SORBS2: variants seen among roughly 807,000 people sequenced by gnomAD.
The protein encoded by SORBS2 is sorbin and SH3 domain containing 2, also known as sorbin and SH3 domain-containing protein 2.
Under a neutral mutation model 97.7 loss-of-function variants are expected in SORBS2, and 46 were observed. That is an observed-to-expected ratio of 0.47 (90% CI 0.37 to 0.60). SORBS2 has a LOEUF of 0.60. SORBS2 is among the 20% of genes least tolerant of loss of function. The pLI, the probability that SORBS2 is intolerant of heterozygous loss-of-function variation, is 0.00. For missense variants in SORBS2, 1,316 were observed against 1,282.3 expected, an observed-to-expected ratio of 1.03 and a Z score of -0.40; for synonymous variants, 476 against 473.4, an observed-to-expected ratio of 1.01 and a Z score of -0.07.
chr4:185,620,545 T>C lies in SORBS2; in HGVS notation c.2216-394A>G, dbSNP rs140475341. On this transcript the variant is annotated intron_variant, in intron 7 of 14. Coordinates refer to ENST00000418609, the Ensembl canonical transcript of SORBS2. ...TATAAGATTTACAGAGGATGGAGAA[T>C]TTGAAAATAGCAACAATTTGTAGAA... Among the ~76,000 whole-genome samples, 514 of 152,252 alleles carry C rather than the reference T, an allele frequency of 3.4e-3. 1 individual carries two copies. The highest frequency in any genetic ancestry group is 6.0e-3 in the Non-Finnish European group (406 of 68,014).
At chr4:185,859,274 AAAATAAACACTTTCAG>A (rs1419439738) in intron 1 of SORBS2, among the ~76,000 whole-genome samples, 1 of 152,194 alleles carries the variant, frequency 6.6e-6, no homozygotes, top group Non-Finnish European at 1.5e-5. Flanking sequence ...CTTAGGGTAG[AAAATAAACACTTTCAG>A]TGGTTATTTT....
chr4:185,880,418 A>C (rs760904074), intron 1 of SORBS2, among the ~76,000 whole-genome samples: 7 of 152,246 alleles, frequency 4.6e-5, no homozygotes, highest in African/African-American at 1.2e-4. Context: ...ATTAAAACAA[A>C]ACAAGGAATA....
chr4:185,772,319 A>G (rs1410081187), intron 2 of SORBS2: 1 of 152,168 alleles, frequency 6.6e-6, no homozygotes, highest in African/African-American at 2.4e-5. Flanking sequence ...TTACATTCCC[A>G]GCCACAGTAC....
At chr4:185,645,282 G>T (rs1239164556) in intron 4 of SORBS2, among the ~76,000 whole-genome samples, 1 of 152,174 alleles carries the variant, frequency 6.6e-6, no homozygotes, top group Admixed American at 6.5e-5. Context: ...TTTCTGCAAT[G>T]ATGACATTGT....
At chr4:185,860,606 G>T (rs1240274067) in intron 1 of SORBS2, among the ~76,000 whole-genome samples, 1 of 152,160 alleles carries the variant, frequency 6.6e-6, no homozygotes, top group Non-Finnish European at 1.5e-5. Flanking sequence ...GCCTCAGGGG[G>T]TCCTGAGGAC....
chr4:185,669,544 G>A (rs1364052832), intron 4 of SORBS2, among the ~76,000 whole-genome samples: 2 of 152,154 alleles, frequency 1.3e-5, no homozygotes, highest in African/African-American at 4.8e-5. Flanking sequence ...ATGTGAAGAA[G>A]GAGTGCATGG....
intron 1 of SORBS2, among the ~76,000 whole-genome samples, chr4:185,908,296 T>TATATATTTGTATACACACAA (rs1554049926): frequency 2.3e-4 from 19 of 81,294 alleles, no homozygotes; most frequent in African/African-American, 4.0e-4. Flanking sequence ...TATATATATA[T>TATATATTTGTATACACACAA]ATATATATAT....
intron 2 of SORBS2, among the ~76,000 whole-genome samples, chr4:185,710,944 T>C (rs1203759733): frequency 6.6e-6 from 1 of 152,168 alleles, no homozygotes; most frequent in African/African-American, 2.4e-5. Flanking sequence ...AAGGATCCTA[T>C]TAATTAATTT....
chr4:185,838,721 AT>A, intron 1 of SORBS2, among the ~76,000 whole-genome samples: 1 of 152,152 alleles, frequency 6.6e-6, no homozygotes, highest in South Asian at 2.1e-4. Flanking sequence ...CGCATACAGT[AT>A]TAGCATGTAA....
At chr4:185,644,911 G>A (rs2153452872) in intron 4 of SORBS2, among the ~76,000 whole-genome samples, 1 of 152,254 alleles carries the variant, frequency 6.6e-6, no homozygotes, top group South Asian at 2.1e-4. Flanking sequence ...GTGTGCGTCT[G>A]TTTTAACCAT....
At chr4:185,589,923 T>G (rs1390708489) in intron 13 of SORBS2, 138 bp from the exon 26 acceptor site, 1 of 615,062 alleles carries the variant, frequency 1.6e-6, no homozygotes, top group African/African-American at 1.8e-5. Context: ...CTGGTAAGCA[T>G]GTAAATAGCA....
intron 13 of SORBS2, among the ~76,000 whole-genome samples, chr4:185,590,487 A>T (rs1353473830): frequency 2.0e-5 from 3 of 152,170 alleles, no homozygotes; most frequent in Non-Finnish European, 4.4e-5. Flanking sequence ...ATGTGCAGTT[A>T]TTACTGATTC....
chr4:185,806,387 G>T (rs1458890932), intron 1 of SORBS2, among the ~76,000 whole-genome samples: 1 of 147,948 alleles, frequency 6.8e-6, no homozygotes. Context: ...TCCCATGCTT[G>T]TACTCTTAGA....
intron 1 of SORBS2, among the ~76,000 whole-genome samples, chr4:185,780,314 C>G (rs2099022125): frequency 6.6e-6 from 1 of 152,124 alleles, no homozygotes. Flanking sequence ...TGCACCTGGC[C>G]TGGAGTAACA....
chr4:185,622,842 T>C (rs2096739466), intron 7 of SORBS2, 72 bp downstream of exon 19: 1 of 1,446,862 alleles, frequency 6.9e-7, no homozygotes, highest in Admixed American at 2.2e-5. Flanking sequence ...GATGAGATGT[T>C]GGAATGGAAA....
intron 2 of SORBS2, among the ~76,000 whole-genome samples, chr4:185,767,844 G>T (rs1185828501): frequency 2.0e-5 from 3 of 152,290 alleles, no homozygotes; most frequent in Admixed American, 6.5e-5. Flanking sequence ...ACATGAGCCT[G>T]ATGGTGAGAC....
chr4:185,789,325 C>A (rs2099070168), intron 1 of SORBS2, among the ~76,000 whole-genome samples: 2 of 152,106 alleles, frequency 1.3e-5, no homozygotes, highest in African/African-American at 4.8e-5. Flanking sequence ...TAGAGAACTC[C>A]TAATACTCAT....
At chr4:185,895,596 C>A (rs775111766) in intron 1 of SORBS2, among the ~76,000 whole-genome samples, 1 of 152,210 alleles carries the variant, frequency 6.6e-6, no homozygotes, top group Non-Finnish European at 1.5e-5. Context: ...CAGTGCCCGG[C>A]TGCCTTCTTG....
intron 1 of SORBS2, among the ~76,000 whole-genome samples, chr4:185,907,770 C>T (rs1355228110): frequency 2.6e-5 from 4 of 152,312 alleles, no homozygotes; most frequent in South Asian, 2.1e-4. Context: ...TTCCCTCTCT[C>T]CTTCCTGTGC....
Sources: allele counts gnomAD v4.1 joint callset (sites outside exome capture counted in the v4.1 genomes callset), GRCh38; gene constraint gnomAD v4.1.1; transcripts MANE v1.5; gene names NCBI Gene and HGNC (gene_info 2026-07-23, HGNC 2026-07-21).